Variants in PCDHA5 observed in about 807,000 individuals in gnomAD.
PCDHA5 encodes protocadherin alpha-5.
PCDHA5 carries 43 observed loss-of-function variants against 61.6 expected under a neutral mutation model. That is an observed-to-expected ratio of 0.70 (90% CI 0.55 to 0.90). The LOEUF (loss-of-function observed/expected upper bound fraction) is 0.90, where lower values mean the gene tolerates loss of function less well. Among genes scored for constraint, PCDHA5 ranks in the 40% least tolerant of loss-of-function variants. The probability of loss-of-function intolerance (pLI) is 0.00; values close to 1 mark genes in which losing one functional copy is unlikely to be tolerated. For missense variants in PCDHA5, 1,298 were observed against 1,222.7 expected (o/e 1.06, Z -0.92); for synonymous variants, 627 against 543.9 (o/e 1.15, Z -2.13).
intron 1 of PCDHA5, among the ~76,000 whole-genome samples, chr5:140,923,066 C>G (rs1050883797): frequency 6.6e-6 from 1 of 152,198 alleles, no homozygotes; most frequent in African/African-American, 2.4e-5. Flanking sequence ...AGAGCTAGGT[C>G]TCCTCATGTC....
intron 1 of PCDHA5, among the ~76,000 whole-genome samples, chr5:140,961,617 C>T (rs781986571): frequency 2.0e-5 from 3 of 152,086 alleles, no homozygotes; most frequent in Non-Finnish European, 4.4e-5. Context: ...AACTAAAGTG[C>T]CCATATGAAA....
At chr5:140,857,933 G>A (rs1554150890) in intron 1 of PCDHA5, 2 of 1,597,790 alleles carry the variant, frequency 1.3e-6, no homozygotes, top group Admixed American at 1.7e-5. Context: ...GTACACGGGC[G>A]AGATCAGTAC....
At chr5:140,835,978 A>C in intron 1 of PCDHA5, 1 of 1,613,378 alleles carries the variant, frequency 6.2e-7, no homozygotes, top group Non-Finnish European at 8.5e-7. Context: ...GAGCTGTTGC[A>C]GTTCCAGGTG....
At chr5:140,931,390 G>A (rs1296292494) in intron 1 of PCDHA5, among the ~76,000 whole-genome samples, 1 of 152,038 alleles carries the variant, frequency 6.6e-6, no homozygotes, top group Non-Finnish European at 1.5e-5. Flanking sequence ...GGAAACATAA[G>A]TAAGCGATAG....
At position 140,972,838 on chromosome 5, in the gene PCDHA5, A is replaced by G. The variant is rs181315236; in HGVS notation, c.2353-6111A>G. Among the ~76,000 whole-genome samples the G allele has an allele frequency of 2.0e-4, 30 of 151,814 alleles. No individual in the cohort carries two copies. In the East Asian group the frequency reaches 5.8e-3, roughly 30 times the overall value. The stretch of plus-strand genomic sequence containing the variant: ...GCCACCACGCCTGGCTAATTTTTGT[A>G]TTTTTAGTAGAGATGGGGTTTCATC... On this transcript the variant is annotated intron_variant, in intron 1 of 3. Transcript: ENST00000529859.
chr5:140,848,252 G>C (rs188149099), intron 1 of PCDHA5: 1 of 468,304 alleles, frequency 2.1e-6, no homozygotes, highest in African/African-American at 2.0e-5. Flanking sequence ...CAGAATAACT[G>C]TGAAATTTTT....
At chr5:140,852,242 C>T (rs1581273178) in intron 1 of PCDHA5, 1 of 575,754 alleles carries the variant, frequency 1.7e-6, no homozygotes, top group East Asian at 1.4e-4. Context: ...TCCCTTAAAA[C>T]ACACTTTTGG....
rs782296827 is a variant in PCDHA5, at chr5:140,858,349, C to T, written c.2352+34222C>T. The T allele has an allele frequency of 9.4e-6, 15 of 1,594,268 alleles. 2 individuals are homozygous for T. ...GGGAGGGCCTGCCCAAGGCGGACCT[C>T]ATGGCCTTCAGCCCCAGCCTTCCAC... On this transcript the variant is annotated intron_variant, in intron 1 of 3. Coordinates refer to ENST00000529859, the MANE Select transcript of PCDHA5 (RefSeq NM_018908.3).
chr5:140,967,049 A>G (rs782123539), intron 1 of PCDHA5: 12 of 1,612,528 alleles, frequency 7.4e-6, no homozygotes, highest in Non-Finnish European at 9.3e-6. Flanking sequence ...GCTGGACCTG[A>G]CGAGTGGAGC....
chr5:140,911,941 T>C (rs1554195035), intron 1 of PCDHA5, among the ~76,000 whole-genome samples: 1 of 152,132 alleles, frequency 6.6e-6, no homozygotes, highest in Non-Finnish European at 1.5e-5. Flanking sequence ...TAGATGTATA[T>C]ATAAAGGGGA....
chr5:140,868,252 T>C (rs1186054905), intron 1 of PCDHA5: 1 of 152,134 alleles, frequency 6.6e-6, no homozygotes. Context: ...AGACTTTTCC[T>C]TTGTGGATTC....
chr5:140,823,147 C>T lies in PCDHA5; in HGVS notation c.1372C>T (p.Gln458Ter). Residue 458 changes from glutamine to a stop codon, truncating the protein, a stop_gained, in exon 1 of 4, where the codon CAG (glutamine) becomes TAG (stop). Coordinates refer to ENST00000529859, the MANE Select transcript of PCDHA5 (RefSeq NM_018908.3). LOFTEE classifies it high-confidence loss of function. ...NDNAPAFAQPQYTVFVKENNP... is the reference protein window; with the variant it reads ...NDNAPAFAQP ...CAACGCTCCGGCGTTCGCGCAGCCC[C>T]AGTATACCGTGTTCGTGAAGGAGAA... The T allele has an allele frequency of 6.2e-7, 1 of 1,614,004 alleles. No individual in the cohort carries two copies. Among genetic ancestry groups the T allele is most frequent in the Non-Finnish European group, 8.5e-7 (1 of 1,179,944 alleles).
At chr5:140,933,184 G>T (rs1459868769) in intron 1 of PCDHA5, among the ~76,000 whole-genome samples, 4 of 149,618 alleles carry the variant, frequency 2.7e-5, no homozygotes, top group African/African-American at 4.9e-5. Flanking sequence ...ATAAGATAAT[G>T]GTTCAGGATA....
rs2150130724 is a variant in PCDHA5 at position 140,823,956 on chromosome 5, C to A, written c.2181C>A (p.Thr727=). Residue 727 remains threonine, a synonymous_variant, in exon 1 of 4, where the codon ACC becomes ACA. Coordinates refer to ENST00000529859, the MANE Select transcript of PCDHA5 (RefSeq NM_018908.3). ...CGCTGCGGTGCTCGGCGCAGCCCAC[C>A]GAGGCCGTGTGCACACGGGGCAAGC... ...YTALRCSAQP[T]EAVCTRGKPT... The A allele has an allele frequency of 1.4e-5, 23 of 1,613,908 alleles. No homozygotes were observed. Among genetic ancestry groups the A allele is most frequent in the South Asian group, 7.7e-5 (7 of 91,068 alleles).
intron 1 of PCDHA5, among the ~76,000 whole-genome samples, chr5:140,901,408 T>A (rs2068650771): frequency 6.6e-6 from 1 of 152,190 alleles, no homozygotes; most frequent in African/African-American, 2.4e-5. Flanking sequence ...GAGATAGGGG[T>A]CTAGTTTCAT....
chr5:140,841,601 G>A (rs2150319014), intron 1 of PCDHA5: 29 of 1,614,018 alleles, frequency 1.8e-5, no homozygotes, highest in South Asian at 8.8e-5. Context: ...CGACCGCGAG[G>A]AGCTGTGCGG....
intron 1 of PCDHA5, among the ~76,000 whole-genome samples, chr5:140,910,668 C>G (rs2075124281): frequency 6.6e-6 from 1 of 152,172 alleles, no homozygotes; most frequent in Admixed American, 6.5e-5. Flanking sequence ...TACATTAAAC[C>G]AAGGGAGATC....
At chr5:140,848,733 C>T (rs2150418952) in intron 1 of PCDHA5, 1 of 1,592,812 alleles carries the variant, frequency 6.3e-7, no homozygotes, top group East Asian at 2.2e-5. Context: ...GGTAAATCTG[C>T]AGAATGGCAT....
At position 140,968,564 on chromosome 5, in the gene PCDHA5, G is replaced by A. The variant is rs565573880; in HGVS notation, c.2353-10385G>A. ...CGAGATGGTGCCTCGAACTGCCCCT[G>A]CTGGCTACCTGGTCACCAAAGTCAT... On this transcript the variant is annotated intron_variant, in intron 1 of 3. Coordinates refer to ENST00000529859, the MANE Select transcript of PCDHA5 (RefSeq NM_018908.3). 3.1e-6 allele frequency: 5 copies of A among 1,614,168 alleles called. No homozygotes were observed. The Admixed American group carries it at 8.3e-5, about 27-fold the overall frequency.
Sources: allele counts gnomAD v4.1 joint callset (sites outside exome capture counted in the v4.1 genomes callset), GRCh38; gene constraint gnomAD v4.1.1; transcripts MANE v1.5; gene names NCBI Gene and HGNC (gene_info 2026-07-23, HGNC 2026-07-21).